NSMAF: variants seen among roughly 807,000 people sequenced by gnomAD.
NSMAF encodes the protein neutral sphingomyelinase activation associated factor.
A neutral mutation model predicts 134.9 loss-of-function variants in NSMAF; 90 were observed. That is an observed-to-expected ratio of 0.67 (90% CI 0.56 to 0.79). The LOEUF (loss-of-function observed/expected upper bound fraction) is 0.79, where lower values mean the gene tolerates loss of function less well. NSMAF is among the 30% of genes least tolerant of loss of function. NSMAF has a pLI of 0.00. For missense variants in NSMAF, 1,010 were observed against 1,119.0 expected (o/e 0.90, Z 1.39); for synonymous variants, 358 against 389.6 (o/e 0.92, Z 0.96).
intron 1 of NSMAF, among the ~76,000 whole-genome samples, chr8:58,647,312 G>A (rs1011414071): frequency 3.9e-5 from 6 of 152,106 alleles, no homozygotes; most frequent in African/African-American, 7.2e-5. Context: ...TTAATTAAAC[G>A]GACCATTTTT....
At chr8:58,613,829 T>C (rs1174402670) in intron 9 of NSMAF, among the ~76,000 whole-genome samples, 1 of 152,220 alleles carries the variant, frequency 6.6e-6, no homozygotes, top group Non-Finnish European at 1.5e-5. Context: ...ATCATATCGG[T>C]GTGCCTCCCT....
intron 1 of NSMAF, among the ~76,000 whole-genome samples, chr8:58,650,643 C>T (rs1275316406): frequency 6.6e-6 from 1 of 152,194 alleles, no homozygotes; most frequent in Non-Finnish European, 1.5e-5. Flanking sequence ...TATCTGCTTT[C>T]TTAAAATTCT....
intron 17 of NSMAF, 33 bp downstream of exon 17, chr8:58,599,937 T>G (rs375209633): frequency 3.7e-6 from 6 of 1,613,144 alleles, no homozygotes; most frequent in African/African-American, 1.3e-5. Context: ...AAACCCCAAG[T>G]CCAGTTACTC....
intron 7 of NSMAF, 21 bp downstream of exon 7, chr8:58,623,688 T>C: frequency 6.2e-7 from 1 of 1,604,728 alleles, no homozygotes; most frequent in Non-Finnish European, 8.5e-7. Flanking sequence ...GCTTTGAATT[T>C]TCTACCCAGC....
At chr8:58,640,191 A>G in intron 2 of NSMAF, 1 of 384,822 alleles carries the variant, frequency 2.6e-6, no homozygotes, top group Non-Finnish European at 5.3e-6. Flanking sequence ...ATATGTTCTT[A>G]TTCCCACACA....
Position 58,659,560 on chromosome 8 carries a change from G to T in NSMAF, c.59+13C>A. The T allele has an allele frequency of 1.3e-6, 2 of 1,526,460 alleles. No homozygotes were observed. Among genetic ancestry groups the T allele is most frequent in the African/African-American group, 1.4e-5 (1 of 69,610 alleles). 94.6% of individuals were successfully genotyped at this position (1,526,460 alleles called of 1,614,324 possible). A position where few individuals can be genotyped will look rare whatever the true frequency, so the allele number is the denominator to read the frequency against. The stretch of plus-strand genomic sequence containing the variant: ...AGGCCCCCGGCTGGGCCCTTCTTCA[G>T]CTGGGCGCGCACCTCTCCTTGGAGT... On this transcript the variant is annotated intron_variant, in intron 1 of 30. Transcript: ENST00000038176.
chr8:58,637,816 G>A (rs1807237181), intron 2 of NSMAF, among the ~76,000 whole-genome samples: 1 of 152,104 alleles, frequency 6.6e-6, no homozygotes, highest in Non-Finnish European at 1.5e-5. Flanking sequence ...TCTGTACACT[G>A]AAAACTACAA....
chr8:58,604,770 G>T (rs1316421891), intron 12 of NSMAF, among the ~76,000 whole-genome samples: 1 of 151,900 alleles, frequency 6.6e-6, no homozygotes, highest in Non-Finnish European at 1.5e-5. Context: ...TTGAGACAGG[G>T]TCTCACTCTG....
At position 58,617,518 on chromosome 8, in the gene NSMAF, A is replaced by C. The variant is rs112819868; in HGVS notation, c.557+5702T>G. Among the ~76,000 whole-genome samples the C allele has an allele frequency of 2.9e-3, 446 of 152,324 alleles. 2 individuals carry two copies. Among genetic ancestry groups the C allele is most frequent in the African/African-American group, 9.7e-3 (405 of 41,568 alleles). Reference sequence around the variant, plus strand: ...GAGCAAAGGATATGAACAGACACTTATCAAAAGAAGACATCTATGCAGCCA... The same window carrying C: ...GAGCAAAGGATATGAACAGACACTTCTCAAAAGAAGACATCTATGCAGCCA... On this transcript the variant is annotated intron_variant, in intron 9 of 30. Transcript: ENST00000038176.
At chr8:58,656,353 T>G (rs1345181088) in intron 1 of NSMAF, among the ~76,000 whole-genome samples, 2 of 152,176 alleles carry the variant, frequency 1.3e-5, no homozygotes, top group Non-Finnish European at 2.9e-5. Flanking sequence ...AATGGCCAAG[T>G]GTCTGTTTTC....
At position 58,597,468 on chromosome 8, in the gene NSMAF, G is replaced by A. The variant is rs774242043; in HGVS notation, c.1711C>T (p.Pro571Ser). 6.2e-7 allele frequency: 1 copy of A among 1,613,922 alleles called. No homozygotes were observed. The highest frequency in any genetic ancestry group is 1.3e-5 in the African/African-American group (1 of 74,936). The change falls in exon 21 of 31, where the codon CCA becomes TCA. Residue 571 changes from proline to serine, a missense_variant. Physicochemically the swap from Pro to Ser is moderately conservative, Grantham distance 74 (BLOSUM62 -1). Transcript: ENST00000038176. Reference protein sequence around the residue: ...GQTPKQLFVTPHPRRITPKFK... With the variant: ...GQTPKQLFVTSHPRRITPKFK... ...TTTGGGGTGATCCTTCGAGGATGTG[G>A]TGTCACAAATAGTTGTTTTGGTGTC...
At chr8:58,614,041 G>C (rs1806598387) in intron 9 of NSMAF, among the ~76,000 whole-genome samples, 2 of 152,206 alleles carry the variant, frequency 1.3e-5, no homozygotes, top group African/African-American at 4.8e-5. Context: ...TATAGTCTAA[G>C]TGTGTAGTCA....
In NSMAF at chr8:58,585,388, A is replaced by T. The variant is rs1009643623; in HGVS notation, c.2659+264T>A. Among the ~76,000 whole-genome samples the T allele has an allele frequency of 6.6e-5, 10 of 151,038 alleles. 1 individual carries two copies. The highest frequency in any genetic ancestry group is 6.6e-4 in the Admixed American group (10 of 15,198). ...TGCTATTACCTTTAAGAAAAATAAT[A>T]GCTTTACGATGGTTTTTAATTCTCC... On this transcript the variant is annotated intron_variant, in intron 30 of 30. Transcript: ENST00000038176.
At chr8:58,639,327 C>T (rs954996746) in intron 2 of NSMAF, among the ~76,000 whole-genome samples, 2 of 150,202 alleles carry the variant, frequency 1.3e-5, no homozygotes, top group Admixed American at 6.6e-5. Context: ...AGAAGACATA[C>T]AAATGGCCAA....
At chr8:58,598,494 A>C (rs1806191339) in intron 19 of NSMAF, among the ~76,000 whole-genome samples, 5 of 22,434 alleles carry the variant, frequency 2.2e-4, no homozygotes, top group Admixed American at 6.6e-4. Flanking sequence ...CTCAAACAAA[A>C]AAAAAAAAAA....
At chr8:58,659,074 G>T in intron 1 of NSMAF, 1 of 742,424 alleles carries the variant, frequency 1.3e-6, no homozygotes, top group Non-Finnish European at 2.0e-6. Context: ...CAATGCGAGT[G>T]GGTGGTCGCC....
chr8:58,586,375 G>A (rs1805885222), intron 28 of NSMAF, 83 bp downstream of exon 28: 2 of 1,346,294 alleles, frequency 1.5e-6, no homozygotes, highest in South Asian at 2.5e-5. Context: ...AAGTTTTATT[G>A]TTTATTTCAA....
chr8:58,597,236 G>A (rs899281457), intron 21 of NSMAF, 151 bp downstream of exon 21: 7 of 683,966 alleles, frequency 1.0e-5, no homozygotes, highest in African/African-American at 5.4e-5. Context: ...GCAAAAACAG[G>A]TATCTGTTTT....
chr8:58,659,436 G>A (rs750130897), intron 1 of NSMAF, 137 bp downstream of exon 1: 42 of 1,499,544 alleles, frequency 2.8e-5, no homozygotes, highest in Non-Finnish European at 3.7e-5. Context: ...CCCAGCCCAG[G>A]CCCTGGACAC....
Sources: gnomAD v4.1 joint callset for allele counts (sites outside exome capture counted in the v4.1 genomes callset) on GRCh38, gnomAD v4.1.1 for gene constraint, MANE v1.5 for transcripts, NCBI Gene and HGNC (gene_info 2026-07-23, HGNC 2026-07-21) for gene names.